SNCAIP: variants seen among roughly 807,000 people sequenced by gnomAD.
SNCAIP encodes the protein synphilin-1.
A neutral mutation model predicts 86.7 loss-of-function variants in SNCAIP; 43 were observed. The observed-to-expected ratio is 0.50, with a 90% CI of 0.39 to 0.64. The LOEUF (loss-of-function observed/expected upper bound fraction) is 0.64, where lower values mean the gene tolerates loss of function less well. Ranked by LOEUF, SNCAIP falls within the 30% of genes least tolerant of loss-of-function variation. SNCAIP has a pLI of 0.00. For synonymous variants in SNCAIP, 417 were observed against 427.2 expected (o/e 0.98, Z 0.29); for missense variants, 981 against 1,103.1 (o/e 0.89, Z 1.57).
At position 122,349,045 on chromosome 5, in the gene SNCAIP, A is replaced by T. The variant is rs73285543; in HGVS notation, c.-47+36761A>T. Reference sequence around the variant, plus strand: ...ACTATTTCTGTGAAAAAGTAGATTGACCCTTTTCTGTTACCAATTATTCTC... The same window carrying T: ...ACTATTTCTGTGAAAAAGTAGATTGTCCCTTTTCTGTTACCAATTATTCTC... On this transcript the variant is annotated intron_variant, in intron 1 of 10. Transcript: ENST00000261368. 9.6e-3 allele frequency among the ~76,000 whole-genome samples: 1,468 copies of T among 152,232 alleles called. 22 individuals are homozygous for T. Among genetic ancestry groups the T allele is most frequent in the African/African-American group, 0.034 (1,406 of 41,542 alleles).
rs143592897 is a variant in SNCAIP, at chr5:122,423,010, C to A, written c.273C>A (p.Asn91Lys). ...PLKHQPETLE[N>K]NESDDQKNQK... Reference sequence around the variant, plus strand: ...AACATCAGCCAGAGACTCTGGAGAACAATGAAAGTGATGACCAAAAGAACC... The same window carrying A: ...AACATCAGCCAGAGACTCTGGAGAAAAATGAAAGTGATGACCAAAAGAACC... The change falls in exon 4 of 11, where the codon AAC (asparagine) becomes AAA (lysine). Residue 91 changes from asparagine to lysine, a missense_variant. Asn to Lys is a moderately conservative substitution (Grantham distance 94). Coordinates refer to ENST00000261368, the MANE Select transcript of SNCAIP (RefSeq NM_005460.4). 6.2e-7 allele frequency: 1 copy of A among 1,614,124 alleles called. No homozygotes were observed. Among genetic ancestry groups the A allele is most frequent in the Non-Finnish European group, 8.5e-7 (1 of 1,180,018 alleles).
At chr5:122,414,236 C>CT (rs58324419) in intron 3 of SNCAIP, among the ~76,000 whole-genome samples, 20,899 of 143,508 alleles carry the variant, frequency 0.15, 1,748 homozygotes, top group African/African-American at 0.23. Context: ...ATTATTTTTC[C>CT]TTTTTTTTTT....
At chr5:122,454,379 G>A (rs1417630992) in intron 10 of SNCAIP, 1 of 152,688 alleles carries the variant, frequency 6.5e-6, no homozygotes, top group Non-Finnish European at 1.5e-5. Flanking sequence ...GAAGAACCTT[G>A]GAGCTTCAAT....
intron 1 of SNCAIP, among the ~76,000 whole-genome samples, chr5:122,384,771 C>T (rs1767743469): frequency 6.6e-6 from 1 of 152,200 alleles, no homozygotes; most frequent in African/African-American, 2.4e-5. Context: ...CAAACATTCA[C>T]TTGTATTCTT....
intron 7 of SNCAIP, among the ~76,000 whole-genome samples, chr5:122,443,115 C>G (rs967949741): frequency 6.6e-6 from 1 of 152,138 alleles, no homozygotes; most frequent in Non-Finnish European, 1.5e-5. Flanking sequence ...AGGTAGGTGG[C>G]AATGGCTTTG....
chr5:122,418,885 A>C (rs1035492958), intron 3 of SNCAIP, among the ~76,000 whole-genome samples: 4 of 152,162 alleles, frequency 2.6e-5, no homozygotes, highest in Non-Finnish European at 5.9e-5. Context: ...CTCAGGACTG[A>C]AAAAAGAGAC....
intron 1 of SNCAIP, among the ~76,000 whole-genome samples, chr5:122,377,913 C>A (rs1425447789): frequency 6.6e-6 from 1 of 151,956 alleles, no homozygotes; most frequent in Non-Finnish European, 1.5e-5. Flanking sequence ...TGTATATGTG[C>A]CACATTTTCG....
intron 1 of SNCAIP, among the ~76,000 whole-genome samples, chr5:122,324,329 A>T (rs1247790799): frequency 6.6e-6 from 1 of 152,222 alleles, no homozygotes; most frequent in African/African-American, 2.4e-5. Context: ...GACCAGGATC[A>T]CCACTCTACT....
At chr5:122,463,444 G>C (rs754534660) in intron 10 of SNCAIP, 47 bp from the exon 11 acceptor site, 1 of 1,101,692 alleles carries the variant, frequency 9.1e-7, no homozygotes, top group South Asian at 1.2e-5. Context: ...CTTGTAACTT[G>C]ACCATAGTTT....
chr5:122,443,517 C>T, intron 7 of SNCAIP: 1 of 440,574 alleles, frequency 2.3e-6, no homozygotes. Flanking sequence ...TACTCCAAGC[C>T]TCTTTAAAAT....
intron 2 of SNCAIP, among the ~76,000 whole-genome samples, chr5:122,396,400 T>A (rs1295189192): frequency 6.6e-6 from 1 of 152,092 alleles, no homozygotes; most frequent in Non-Finnish European, 1.5e-5. Context: ...ACAAATAGAG[T>A]GGTTTCTAAG....
chr5:122,457,472 T>C (rs894187549), intron 10 of SNCAIP, among the ~76,000 whole-genome samples: 1 of 152,152 alleles, frequency 6.6e-6, no homozygotes, highest in African/African-American at 2.4e-5. Context: ...GCACTGACCC[T>C]CCCAGCTCCC....
intron 1 of SNCAIP, among the ~76,000 whole-genome samples, chr5:122,352,985 T>C (rs1241592363): frequency 1.3e-5 from 2 of 152,184 alleles, no homozygotes; most frequent in African/African-American, 2.4e-5. Context: ...GGGAAATCCT[T>C]TGATACACGT....
intron 1 of SNCAIP, among the ~76,000 whole-genome samples, chr5:122,368,377 G>T (rs998412611): frequency 6.6e-6 from 1 of 152,000 alleles, no homozygotes; most frequent in African/African-American, 2.4e-5. Flanking sequence ...AGAACTTTTC[G>T]TCATGGCCTC....
rs1764745631 is a variant in SNCAIP at position 122,373,877 on chromosome 5, A to G, written c.-46-17212A>G. On this transcript the variant is annotated intron_variant, in intron 1 of 10. Coordinates refer to ENST00000261368, the MANE Select transcript of SNCAIP (RefSeq NM_005460.4). ...GGTGTAAATCCAAGCCTGGACCAAC[A>G]GAAGCATTCCTTGAAGGTGGTTTCT... Among the ~76,000 whole-genome samples the G allele has an allele frequency of 2.6e-5, 4 of 152,196 alleles. No individual in the cohort carries two copies. The South Asian group carries it at 8.3e-4, about 31-fold the overall frequency.
intron 3 of SNCAIP, among the ~76,000 whole-genome samples, chr5:122,418,195 T>C (rs974715425): frequency 6.6e-6 from 1 of 152,206 alleles, no homozygotes; most frequent in Admixed American, 6.5e-5. Flanking sequence ...TTGGGAATCA[T>C]GAGTGCTGAG....
intron 7 of SNCAIP, among the ~76,000 whole-genome samples, chr5:122,442,227 A>T (rs1007501983): frequency 6.7e-6 from 1 of 149,116 alleles, no homozygotes; most frequent in Non-Finnish European, 1.5e-5. Flanking sequence ...TGCAAGATAG[A>T]TGGTATCCAA....
At chr5:122,457,034 C>T (rs1009735865) in intron 10 of SNCAIP, among the ~76,000 whole-genome samples, 4 of 152,122 alleles carry the variant, frequency 2.6e-5, no homozygotes, top group Non-Finnish European at 5.9e-5. Flanking sequence ...AAGGGTTTTA[C>T]TCTGTCACCC....
chr5:122,357,233 A>G (rs773432114), intron 1 of SNCAIP, among the ~76,000 whole-genome samples: 2 of 151,140 alleles, frequency 1.3e-5, no homozygotes, highest in Admixed American at 6.6e-5. Context: ...CTTTATTTTT[A>G]TTTATTTATT....
Sources: allele counts gnomAD v4.1 joint callset (sites outside exome capture counted in the v4.1 genomes callset), GRCh38; gene constraint gnomAD v4.1.1; transcripts MANE v1.5; gene names NCBI Gene and HGNC (gene_info 2026-07-23, HGNC 2026-07-21).